The following SV2C variants were observed in gnomAD, a reference collection of about 807,000 sequenced individuals.
The protein encoded by SV2C is synaptic vesicle glycoprotein 2C.
In SV2C, 49 loss-of-function variants were observed where a neutral mutation model predicts 79.7. The ratio of observed to expected loss-of-function variants is 0.61; its 90% confidence interval spans 0.49 to 0.78. The LOEUF is 0.78. Among genes scored for constraint, SV2C ranks in the 30% least tolerant of loss-of-function variants. The pLI is 0.00. For missense variants in SV2C, 833 were observed against 912.9 expected (o/e 0.91, Z 1.13); for synonymous variants, 334 against 333.2 (o/e 1.00, Z -0.03).
intron 2 of SV2C, among the ~76,000 whole-genome samples, chr5:76,178,172 CTGCATGGCCT>C (rs1743601098): frequency 6.6e-6 from 1 of 152,166 alleles, no homozygotes; most frequent in Non-Finnish European, 1.5e-5. Flanking sequence ...AAGGTGGAAA[CTGCATGGCCT>C]TTTATTACCT....
the SV2C span, among the ~76,000 whole-genome samples, chr5:75,919,367 A>T: frequency 6.6e-6 from 1 of 152,080 alleles, no homozygotes; most frequent in East Asian, 1.9e-4. Flanking sequence ...CTGTTTACTT[A>T]TTTGCTTCTT....
chr5:76,117,048 A>G (rs745689638), intron 1 of SV2C, among the ~76,000 whole-genome samples: 33 of 152,190 alleles, frequency 2.2e-4, no homozygotes, highest in Non-Finnish European at 4.3e-4. Context: ...TTTCTGAATT[A>G]TCCTTAAGCA....
the SV2C span, among the ~76,000 whole-genome samples, chr5:75,852,660 C>G: frequency 6.6e-6 from 1 of 151,494 alleles, no homozygotes; most frequent in African/African-American, 2.4e-5. Flanking sequence ...GCCTTCTCTA[C>G]TAAAAAATAT....
the SV2C span, among the ~76,000 whole-genome samples, chr5:76,051,227 C>CAACAGAATAATAATGCTAATAAAG: frequency 6.6e-6 from 1 of 152,074 alleles, no homozygotes; most frequent in East Asian, 1.9e-4. Context: ...GAAATGCTAA[C>CAACAGAATAATAATGCTAATAAAG]AAAAACAACA....
At chr5:76,259,817 A>G (rs1465581388) in intron 4 of SV2C, among the ~76,000 whole-genome samples, 1 of 152,144 alleles carries the variant, frequency 6.6e-6, no homozygotes, top group Non-Finnish European at 1.5e-5. Context: ...CATGGTGTAT[A>G]TGTGCCACAT....
At chr5:76,135,055 G>A (rs1477786558) in intron 2 of SV2C, among the ~76,000 whole-genome samples, 1 of 152,210 alleles carries the variant, frequency 6.6e-6, no homozygotes, top group Non-Finnish European at 1.5e-5. Context: ...ATGTTACAGG[G>A]TAAGGCCCTG....
At chr5:76,234,390 T>A (rs1359849750) in intron 4 of SV2C, among the ~76,000 whole-genome samples, 1 of 152,218 alleles carries the variant, frequency 6.6e-6, no homozygotes, top group African/African-American at 2.4e-5. Context: ...TTTATCAAAC[T>A]CAGTGTAACA....
intron 1 of SV2C, among the ~76,000 whole-genome samples, chr5:76,095,421 T>A (rs1177255717): frequency 2.0e-5 from 3 of 152,136 alleles, no homozygotes; most frequent in East Asian, 3.8e-4. Flanking sequence ...GTGCTGCCTT[T>A]AAAAAGAAAT....
intron 4 of SV2C, among the ~76,000 whole-genome samples, chr5:76,213,406 T>A (rs1441393843): frequency 6.6e-6 from 1 of 152,168 alleles, no homozygotes; most frequent in Non-Finnish European, 1.5e-5. Context: ...AATTGTAAAA[T>A]TTGTTAAACT....
At chr5:75,937,918 C>T in the SV2C span, among the ~76,000 whole-genome samples, 3 of 149,576 alleles carry the variant, frequency 2.0e-5, no homozygotes, top group African/African-American at 7.5e-5. Flanking sequence ...CCAATTTCTT[C>T]TTTTAATTAT....
intron 2 of SV2C, among the ~76,000 whole-genome samples, chr5:76,150,050 C>T (rs987360016): frequency 3.3e-5 from 5 of 152,148 alleles, no homozygotes; most frequent in South Asian, 2.1e-4. Context: ...GATGGAAAAT[C>T]GAAAGAGTTA....
At chr5:75,966,522 A>G in the SV2C span, among the ~76,000 whole-genome samples, 1 of 152,206 alleles carries the variant, frequency 6.6e-6, no homozygotes, top group Non-Finnish European at 1.5e-5. Context: ...AGACACTCCC[A>G]CCAGTGCCAT....
chr5:76,120,279 C>G (rs1413985533), intron 1 of SV2C, among the ~76,000 whole-genome samples: 1 of 98,286 alleles, frequency 1.0e-5, no homozygotes, highest in African/African-American at 7.1e-5. Flanking sequence ...AGTCAAATAA[C>G]ATTTCTTTTT....
intron 12 of SV2C, among the ~76,000 whole-genome samples, chr5:76,324,617 G>A (rs1245465635): frequency 1.3e-5 from 2 of 152,084 alleles, no homozygotes; most frequent in Non-Finnish European, 2.9e-5. Context: ...GCCAAGACAA[G>A]AGGATTGCTT....
chr5:76,295,307 G>T (rs1580039884), intron 8 of SV2C, among the ~76,000 whole-genome samples: 1 of 152,088 alleles, frequency 6.6e-6, no homozygotes, highest in African/African-American at 2.4e-5. Flanking sequence ...AGGGATGGAA[G>T]GGAAAAAGTG....
the SV2C span, among the ~76,000 whole-genome samples, chr5:75,967,528 C>T: frequency 7.2e-5 from 11 of 152,140 alleles, no homozygotes; most frequent in South Asian, 2.1e-4. Flanking sequence ...GTTTATATCC[C>T]GCACATGGCT....
chr5:76,057,957 G>A, the SV2C span, among the ~76,000 whole-genome samples: 2,064 of 152,168 alleles, frequency 0.014, 57 homozygotes, highest in African/African-American at 0.047. Context: ...TGACAATGAT[G>A]TACTTTATAG....
chr5:76,046,266 C>A, the SV2C span, among the ~76,000 whole-genome samples: 50 of 151,492 alleles, frequency 3.3e-4, no homozygotes, highest in Non-Finnish European at 6.3e-4. Context: ...AATCCAAAGG[C>A]CACCCCATCA....
At chr5:75,914,108 C>G in the SV2C span, among the ~76,000 whole-genome samples, 18 of 152,150 alleles carry the variant, frequency 1.2e-4, no homozygotes, top group Non-Finnish European at 2.5e-4. Flanking sequence ...CATGTGTAAG[C>G]TAACCCCATA....
Sources: gnomAD v4.1 joint callset for allele counts (sites outside exome capture counted in the v4.1 genomes callset) on GRCh38, gnomAD v4.1.1 for gene constraint, MANE v1.5 for transcripts, NCBI Gene and HGNC (gene_info 2026-07-23, HGNC 2026-07-21) for gene names.